The following SCAMP1 variants were observed in gnomAD, a reference collection of about 807,000 sequenced individuals.
The protein encoded by SCAMP1 is secretory carrier-associated membrane protein 1.
SCAMP1 carries 15 observed loss-of-function variants against 41.8 expected under a neutral mutation model. That is an observed-to-expected ratio of 0.36 (90% CI 0.24 to 0.55). The LOEUF (loss-of-function observed/expected upper bound fraction) is 0.55, where lower values mean the gene tolerates loss of function less well. Ranked by LOEUF, SCAMP1 falls within the 20% of genes least tolerant of loss-of-function variation. The pLI, the probability that SCAMP1 is intolerant of heterozygous loss-of-function variation, is 0.86. For missense variants in SCAMP1, 341 were observed against 412.6 expected, an observed-to-expected ratio of 0.83 and a Z score of 1.50; for synonymous variants, 135 against 136.8, an observed-to-expected ratio of 0.99 and a Z score of 0.09.
intron 8 of SCAMP1, among the ~76,000 whole-genome samples, chr5:78,464,079 G>A (rs1580718185): frequency 6.6e-6 from 1 of 152,132 alleles, no homozygotes; most frequent in East Asian, 1.9e-4. Flanking sequence ...CCGGGTTCAA[G>A]CGATTCTCCT....
chr5:78,452,991 A>G (rs1213989971), intron 7 of SCAMP1, among the ~76,000 whole-genome samples: 3 of 147,214 alleles, frequency 2.0e-5, no homozygotes, highest in Non-Finnish European at 4.5e-5. Flanking sequence ...TTCTTTTGAG[A>G]AGTGTCTGTT....
Position 78,479,645 on chromosome 5 carries a change from A to G in SCAMP1, c.*3977A>G, listed in dbSNP as rs1285911590. Among the ~76,000 whole-genome samples the G allele has an allele frequency of 6.6e-6, 1 of 152,212 alleles. No individual in the cohort carries two copies. The highest frequency in any genetic ancestry group is 1.5e-5 in the Non-Finnish European group (1 of 68,028). On this transcript the variant is annotated 3_prime_UTR_variant, in exon 9 of 9. Coordinates refer to ENST00000621999, the MANE Select transcript of SCAMP1 (RefSeq NM_004866.6). The stretch of plus-strand genomic sequence containing the variant: ...ATAAGCAGATACCTCTTATTTGAAG[A>G]TTGTAGGAAAATAGAGAAAGACTGT...
rs1199318710 is a variant in SCAMP1, at chr5:78,454,387, C to T, written c.734+4353C>T. 2.0e-5 allele frequency among the ~76,000 whole-genome samples: 3 copies of T among 152,158 alleles called. No homozygotes were observed. In the East Asian group the frequency reaches 5.8e-4, roughly 29 times the overall value. ...TACCTAATTTATTGAGAGTTTTTAG[C>T]ATGAAGTGTTGTTGAATTTTGTCAA... is the stretch of plus-strand genomic sequence containing the variant. On this transcript the variant is annotated intron_variant, in intron 7 of 8. Transcript: ENST00000621999.
At chr5:78,361,442 A>G (rs1580633818) in intron 1 of SCAMP1, among the ~76,000 whole-genome samples, 3 of 152,178 alleles carry the variant, frequency 2.0e-5, no homozygotes, top group Middle Eastern at 6.8e-3. Context: ...AAACGATGGG[A>G]TATTTTCCAA....
At chr5:78,445,754 G>A (rs542871257) in intron 6 of SCAMP1, among the ~76,000 whole-genome samples, 1 of 152,172 alleles carries the variant, frequency 6.6e-6, no homozygotes, top group East Asian at 1.9e-4. Flanking sequence ...GCATCTGAAA[G>A]GAACTTGATA....
chr5:78,422,260 A>G (rs1752355878), intron 6 of SCAMP1, among the ~76,000 whole-genome samples: 1 of 151,876 alleles, frequency 6.6e-6, no homozygotes, highest in Non-Finnish European at 1.5e-5. Context: ...TACTTCAAGG[A>G]AAATTTTGCT....
At position 78,410,122 on chromosome 5, in the gene SCAMP1, T is replaced by C. The variant is rs534123462; in HGVS notation, c.136-5398T>C. Among the ~76,000 whole-genome samples, 5 of 152,112 alleles carry C rather than the reference T, an allele frequency of 3.3e-5. No homozygotes were observed. The South Asian group carries it at 6.2e-4, about 19-fold the overall frequency. ...AGGTGCCGGGAACTCTTTTTCTTTT[T>C]TTTTTTTTTCCAACTTTTTAAGTTC... On this transcript the variant is annotated intron_variant, in intron 2 of 8. Transcript: ENST00000621999.
Position 78,421,964 on chromosome 5 carries a change from A to C in SCAMP1, c.632+4A>C, listed in dbSNP as rs771793707. On this transcript the variant is annotated splice_donor_region_variant and intron_variant, in intron 6 of 8. Coordinates refer to ENST00000621999, the MANE Select transcript of SCAMP1 (RefSeq NM_004866.6). ...GACCACTTTATGGAGCTTTCAGGTA[A>C]AATGTGTGTACTTTAAAATACACTC... is the stretch of plus-strand genomic sequence containing the variant. 1 of 1,608,044 alleles carries C rather than the reference A, an allele frequency of 6.2e-7. No homozygotes were observed. Among genetic ancestry groups the C allele is most frequent in the African/African-American group, 1.3e-5 (1 of 74,752 alleles).
intron 1 of SCAMP1, among the ~76,000 whole-genome samples, chr5:78,362,317 A>G (rs1413818979): frequency 6.6e-6 from 1 of 152,154 alleles, no homozygotes; most frequent in Non-Finnish European, 1.5e-5. Flanking sequence ...TTGGCAGTGT[A>G]TTTTCTACTT....
chr5:78,449,088 A>G (rs1191551381), intron 6 of SCAMP1, among the ~76,000 whole-genome samples: 2 of 152,074 alleles, frequency 1.3e-5, no homozygotes, highest in African/African-American at 4.8e-5. Flanking sequence ...ACGTATACCT[A>G]TGATATGTTC....
chr5:78,425,352 C>T (rs772834861), intron 6 of SCAMP1, among the ~76,000 whole-genome samples: 3 of 152,208 alleles, frequency 2.0e-5, no homozygotes, highest in South Asian at 2.1e-4. Flanking sequence ...TTATCAATAC[C>T]GCTGAAGCAC....
chr5:78,397,285 C>T (rs1751676394), intron 2 of SCAMP1, among the ~76,000 whole-genome samples: 1 of 152,102 alleles, frequency 6.6e-6, no homozygotes, highest in Non-Finnish European at 1.5e-5. Context: ...TGTCCACATA[C>T]AGTAGAATGA....
At chr5:78,414,128 A>G (rs1205467138) in intron 2 of SCAMP1, among the ~76,000 whole-genome samples, 2 of 151,922 alleles carry the variant, frequency 1.3e-5, no homozygotes, top group Admixed American at 1.3e-4. Context: ...ATACAGAGGC[A>G]TATAAAACAA....
At chr5:78,435,187 A>G (rs1439582684) in intron 6 of SCAMP1, among the ~76,000 whole-genome samples, 1 of 152,204 alleles carries the variant, frequency 6.6e-6, no homozygotes, top group Non-Finnish European at 1.5e-5. Flanking sequence ...TTTCTTACAG[A>G]GGATTACAGC....
chr5:78,365,366 T>C (rs930620378), intron 1 of SCAMP1, among the ~76,000 whole-genome samples: 7 of 147,268 alleles, frequency 4.8e-5, no homozygotes, highest in African/African-American at 1.8e-4. Flanking sequence ...CCCAGCTACT[T>C]GGGAGGCTGA....
chr5:78,460,592 G>T (rs1450038425), intron 8 of SCAMP1, among the ~76,000 whole-genome samples: 3 of 88,778 alleles, frequency 3.4e-5, no homozygotes, highest in Non-Finnish European at 4.8e-5. Context: ...TTTTAATGGG[G>T]TTTTTTTTTT....
In SCAMP1 at chr5:78,462,196, AGTGT is replaced by A. The variant is rs58331355; in HGVS notation, c.852+2863_852+2866del. Among the ~76,000 whole-genome samples the A allele has an allele frequency of 1.0e-2, 1,475 of 147,974 alleles. 20 individuals carry two copies. The highest frequency in any genetic ancestry group is 0.028 in the African/African-American group (1,129 of 40,536). On this transcript the variant is annotated intron_variant, in intron 8 of 8. Transcript: ENST00000621999. The stretch of plus-strand genomic sequence containing the variant: ...TAAATGTATTCTGGATGTGTGTAGG[AGTGT>A]GTGTGTGTGTGTGTGTGTGTGTGTG...
At chr5:78,456,255 A>T (rs994869619) in intron 7 of SCAMP1, among the ~76,000 whole-genome samples, 2 of 146,166 alleles carry the variant, frequency 1.4e-5, no homozygotes, top group Admixed American at 6.8e-5. Flanking sequence ...TTTGCTCGTT[A>T]GTTGATGCAG....
intron 1 of SCAMP1, among the ~76,000 whole-genome samples, chr5:78,361,955 A>G (rs778171652): frequency 5.9e-5 from 9 of 152,222 alleles, no homozygotes; most frequent in African/African-American, 9.6e-5. Flanking sequence ...GACCCTGATT[A>G]TTATTGACAA....
Sources: gnomAD v4.1 joint callset for allele counts (sites outside exome capture counted in the v4.1 genomes callset) on GRCh38, gnomAD v4.1.1 for gene constraint, MANE v1.5 for transcripts, NCBI Gene and HGNC (gene_info 2026-07-23, HGNC 2026-07-21) for gene names.